Variants in ZNF407 observed in about 807,000 individuals in gnomAD.
ZNF407 encodes the protein zinc finger protein 407.
In ZNF407, 17 loss-of-function variants were observed where a neutral mutation model predicts 131.2. The ratio of observed to expected loss-of-function variants is 0.13; its 90% CI spans 0.09 to 0.19. ZNF407 has a LOEUF of 0.19. Among genes scored for constraint, ZNF407 ranks in the 10% least tolerant of loss-of-function variants. ZNF407 has a pLI of 1.00. For missense variants in ZNF407, 2,681 were observed against 2,830.6 expected (o/e 0.95, Z 1.20); for synonymous variants, 1,156 against 1,062.0 (o/e 1.09, Z -1.72).
At chr18:74,956,646 G>A (rs1972278839) in intron 8 of ZNF407, among the ~76,000 whole-genome samples, 2 of 152,098 alleles carry the variant, frequency 1.3e-5, no homozygotes, top group Non-Finnish European at 2.9e-5. Context: ...AAGGGACAGT[G>A]GTGAATTTAG....
At chr18:74,731,446 A>G (rs773472502) in intron 3 of ZNF407, among the ~76,000 whole-genome samples, 4 of 152,222 alleles carry the variant, frequency 2.6e-5, no homozygotes, top group African/African-American at 9.6e-5. Context: ...TGGTTCACCT[A>G]CTTCTAAAAA....
chr18:74,678,132 T>A (rs1966895947), intron 3 of ZNF407, among the ~76,000 whole-genome samples: 1 of 152,198 alleles, frequency 6.6e-6, no homozygotes, highest in Non-Finnish European at 1.5e-5. Context: ...CGTTATTTAT[T>A]TTTTTAATGT....
intron 3 of ZNF407, among the ~76,000 whole-genome samples, chr18:74,697,174 G>A (rs561918427): frequency 3.7e-4 from 56 of 152,100 alleles, no homozygotes; most frequent in Non-Finnish European, 7.1e-4. Context: ...TGACATGGAC[G>A]TTTGCATTTC....
intron 8 of ZNF407, among the ~76,000 whole-genome samples, chr18:74,971,637 G>A (rs1045412426): frequency 5.9e-5 from 9 of 152,010 alleles, no homozygotes; most frequent in Admixed American, 2.0e-4. Context: ...TTTCCTTATC[G>A]CTGTCAGCAT....
At chr18:74,793,594 C>T (rs1397560554) in intron 4 of ZNF407, among the ~76,000 whole-genome samples, 1 of 152,114 alleles carries the variant, frequency 6.6e-6, no homozygotes, top group Non-Finnish European at 1.5e-5. Flanking sequence ...TGACTTTCAG[C>T]AAAAATGTAA....
At chr18:75,028,307 C>T (rs1973195448) in intron 8 of ZNF407, among the ~76,000 whole-genome samples, 1 of 152,128 alleles carries the variant, frequency 6.6e-6, no homozygotes, top group African/African-American at 2.4e-5. Flanking sequence ...CTTCTGAGTC[C>T]TCTCTCCTTG....
intron 1 of ZNF407, among the ~76,000 whole-genome samples, chr18:74,623,192 G>C (rs1212554315): frequency 1.3e-5 from 2 of 151,830 alleles, no homozygotes; most frequent in Non-Finnish European, 2.9e-5. Context: ...ATCCGTGTGT[G>C]TCTGTATGTC....
At chr18:74,908,566 A>G (rs946048016) in intron 7 of ZNF407, among the ~76,000 whole-genome samples, 1 of 152,198 alleles carries the variant, frequency 6.6e-6, no homozygotes, top group South Asian at 2.1e-4. Context: ...TCTATTTGCT[A>G]AACATCGTTG....
At chr18:74,970,978 C>T (rs1026598871) in intron 8 of ZNF407, among the ~76,000 whole-genome samples, 3 of 152,234 alleles carry the variant, frequency 2.0e-5, no homozygotes, top group African/African-American at 7.2e-5. Flanking sequence ...AACCTCAGTT[C>T]TTGACTTCTG....
chr18:74,665,534 T>TA (rs1985896092), intron 3 of ZNF407, among the ~76,000 whole-genome samples: 1 of 152,186 alleles, frequency 6.6e-6, no homozygotes, highest in Non-Finnish European at 1.5e-5. Context: ...TGATGAGAAA[T>TA]ACGTGTTTTG....
chr18:74,690,049 C>T (rs541303904), intron 3 of ZNF407, among the ~76,000 whole-genome samples: 8 of 152,140 alleles, frequency 5.3e-5, no homozygotes, highest in African/African-American at 1.9e-4. Flanking sequence ...CTTAGTTTAC[C>T]TCTAAAAAAA....
At chr18:74,769,229 C>A (rs1969310472) in intron 3 of ZNF407, among the ~76,000 whole-genome samples, 1 of 152,164 alleles carries the variant, frequency 6.6e-6, no homozygotes, top group Non-Finnish European at 1.5e-5. Context: ...TCTTTTATGG[C>A]CTACTGTCAA....
intron 4 of ZNF407, among the ~76,000 whole-genome samples, chr18:74,841,214 A>G (rs564373562): frequency 6.6e-6 from 1 of 152,266 alleles, no homozygotes; most frequent in African/African-American, 2.4e-5. Context: ...ACTTTAAGGA[A>G]TTTTGTGAAC....
chr18:74,831,166 G>T (rs1033238824), intron 4 of ZNF407, among the ~76,000 whole-genome samples: 2 of 151,948 alleles, frequency 1.3e-5, no homozygotes, highest in African/African-American at 2.4e-5. Flanking sequence ...TTCCTTATCC[G>T]TTCTTCTGCT....
At chr18:75,012,302 G>GCAGGCTCTGGGGGTATC (rs1230819776) in intron 8 of ZNF407, among the ~76,000 whole-genome samples, 26 of 96,746 alleles carry the variant, frequency 2.7e-4, no homozygotes, top group Middle Eastern at 7.4e-3. Context: ...CATAGTGTAT[G>GCAGGCTCTGGGGGTATC]TACACATAGT....
chr18:74,912,967 A>G (rs1217249262), intron 7 of ZNF407, among the ~76,000 whole-genome samples: 1 of 152,214 alleles, frequency 6.6e-6, no homozygotes, highest in African/African-American at 2.4e-5. Flanking sequence ...TGATTACAAG[A>G]GAAATGCAAG....
chr18:74,925,986 C>T (rs1971908191), intron 8 of ZNF407, among the ~76,000 whole-genome samples: 1 of 152,152 alleles, frequency 6.6e-6, no homozygotes, highest in African/African-American at 2.4e-5. Context: ...CCTTGTTTTC[C>T]AGTGTCCTGA....
chr18:74,947,255 T>A (rs1411728742), intron 8 of ZNF407, among the ~76,000 whole-genome samples: 1 of 152,194 alleles, frequency 6.6e-6, no homozygotes, highest in Non-Finnish European at 1.5e-5. Flanking sequence ...CTCCGCCCAG[T>A]GAATAGTATT....
intron 4 of ZNF407, among the ~76,000 whole-genome samples, chr18:74,833,590 C>T (rs1384427115): frequency 1.4e-4 from 21 of 152,166 alleles, no homozygotes; most frequent in Admixed American, 1.3e-3. Flanking sequence ...GTGGTGGACA[C>T]ACAGCGCGAG....
Sources: gnomAD v4.1 joint callset for allele counts (sites outside exome capture counted in the v4.1 genomes callset) on GRCh38, gnomAD v4.1.1 for gene constraint, MANE v1.5 for transcripts, NCBI Gene and HGNC (gene_info 2026-07-23, HGNC 2026-07-21) for gene names.